Variants in TBC1D22A observed in about 807,000 individuals in gnomAD.
TBC1D22A encodes the protein TBC1 domain family member 22A, also known as putative GTPase activator.
In TBC1D22A, 38 loss-of-function variants were observed where a neutral mutation model predicts 60.2. That is an observed-to-expected ratio of 0.63 (90% CI 0.49 to 0.83). TBC1D22A has a LOEUF of 0.83. Among genes scored for constraint, TBC1D22A ranks in the 40% least tolerant of loss-of-function variants. TBC1D22A has a pLI of 0.00. For synonymous variants in TBC1D22A, 302 were observed against 281.7 expected, an observed-to-expected ratio of 1.07 and a Z score of -0.72; for missense variants, 628 against 701.0, an observed-to-expected ratio of 0.90 and a Z score of 1.18.
At chr22:46,794,400 G>A (rs533219518) in intron 3 of TBC1D22A, among the ~76,000 whole-genome samples, 87 of 152,362 alleles carry the variant, frequency 5.7e-4, no homozygotes, top group African/African-American at 1.9e-3. Flanking sequence ...GGGTGGGGTC[G>A]TGTCTGGTGC....
chr22:46,945,548 G>A (rs2072481612), intron 8 of TBC1D22A, among the ~76,000 whole-genome samples: 1 of 152,192 alleles, frequency 6.6e-6, no homozygotes. Flanking sequence ...GGCTGCAGCT[G>A]TGCTGACGGC....
At chr22:46,858,950 C>G (rs1426458621) in intron 4 of TBC1D22A, among the ~76,000 whole-genome samples, 4 of 152,008 alleles carry the variant, frequency 2.6e-5, no homozygotes, top group Non-Finnish European at 5.9e-5. Context: ...TGCCCACGCG[C>G]AGACCAGAAT....
intron 12 of TBC1D22A, among the ~76,000 whole-genome samples, chr22:47,166,323 C>G (rs1601742519): frequency 6.6e-6 from 1 of 152,106 alleles, no homozygotes; most frequent in African/African-American, 2.4e-5. Context: ...GAATGTGTCA[C>G]CAGCCACATA....
In TBC1D22A at chr22:46,937,679, C is replaced by T. The variant is rs139856486; in HGVS notation, c.1015+25491C>T. Among the ~76,000 whole-genome samples the T allele has an allele frequency of 2.6e-3, 391 of 152,260 alleles. 1 individual carries two copies. The highest frequency in any genetic ancestry group is 9.1e-3 in the African/African-American group (378 of 41,552). On this transcript the variant is annotated intron_variant, in intron 8 of 12. Transcript: ENST00000337137. Reference sequence around the variant, plus strand: ...AAGAAGGCATAGTTATCAGAGGAGACGATAGCTCCCTGTGTGCTGTTGTCC... The same window carrying T: ...AAGAAGGCATAGTTATCAGAGGAGATGATAGCTCCCTGTGTGCTGTTGTCC...
At chr22:46,890,381 G>C (rs2068334651) in intron 5 of TBC1D22A, among the ~76,000 whole-genome samples, 1 of 151,970 alleles carries the variant, frequency 6.6e-6, no homozygotes, top group African/African-American at 2.4e-5. Flanking sequence ...TGCAACAAAA[G>C]ATAACATAAA....
At chr22:46,919,262 G>A (rs757747187) in intron 8 of TBC1D22A, among the ~76,000 whole-genome samples, 6 of 152,082 alleles carry the variant, frequency 3.9e-5, no homozygotes, top group African/African-American at 7.2e-5. Context: ...TACATGGTGC[G>A]TGGCCCTTTG....
chr22:47,049,917 C>T (rs1416617775), intron 11 of TBC1D22A, among the ~76,000 whole-genome samples: 1 of 152,208 alleles, frequency 6.6e-6, no homozygotes, highest in African/African-American at 2.4e-5. Flanking sequence ...GAACGGGTCC[C>T]CCTGTGTTTG....
chr22:46,835,063 G>C (rs1331368431), intron 4 of TBC1D22A, among the ~76,000 whole-genome samples: 1 of 152,234 alleles, frequency 6.6e-6, no homozygotes, highest in Non-Finnish European at 1.5e-5. Context: ...AACAAGAGGA[G>C]TGGAGTGGGT....
At chr22:46,845,527 G>T (rs529608508) in intron 4 of TBC1D22A, among the ~76,000 whole-genome samples, 1 of 152,294 alleles carries the variant, frequency 6.6e-6, no homozygotes, top group African/African-American at 2.4e-5. Context: ...GGGAGCTGGA[G>T]ATCCACGAAC....
intron 11 of TBC1D22A, among the ~76,000 whole-genome samples, chr22:47,063,777 C>T (rs1349724392): frequency 1.3e-5 from 2 of 152,118 alleles, no homozygotes; most frequent in African/African-American, 2.4e-5. Flanking sequence ...CCATGCTTCC[C>T]CTTCCCGCCT....
intron 12 of TBC1D22A, among the ~76,000 whole-genome samples, chr22:47,140,553 CAAAAA>C (rs940877057): frequency 2.9e-5 from 2 of 69,860 alleles, no homozygotes; most frequent in South Asian, 4.6e-4. Context: ...GACTCTGTCT[CAAAAA>C]AAAAAAAAAA....
chr22:47,043,252 G>A (rs1393197802), intron 11 of TBC1D22A, among the ~76,000 whole-genome samples: 1 of 152,200 alleles, frequency 6.6e-6, no homozygotes, highest in Non-Finnish European at 1.5e-5. Context: ...GCTGCATGAT[G>A]GGGCCCCAGG....
rs187488131 is a variant in TBC1D22A, at chr22:46,830,924, G to A, written c.637+33304G>A. ...GATGCTGAAGAAAGAAAAGCTTTAA[G>A]AGGTATCTCCGAGGAAGATGGAGTC... On this transcript the variant is annotated intron_variant, in intron 4 of 12. Transcript: ENST00000337137. Among the ~76,000 whole-genome samples, 69 of 152,248 alleles carry A rather than the reference G, an allele frequency of 4.5e-4. 1 individual carries two copies. The East Asian group carries it at 8.5e-3, about 19-fold the overall frequency.
At chr22:47,026,545 G>T (rs567432835) in intron 10 of TBC1D22A, among the ~76,000 whole-genome samples, 1 of 152,224 alleles carries the variant, frequency 6.6e-6, no homozygotes, top group Admixed American at 6.5e-5. Context: ...GAAAGAACAA[G>T]AGTTTAGCAA....
chr22:46,957,634 A>G (rs2073274149), intron 8 of TBC1D22A, among the ~76,000 whole-genome samples: 3 of 152,230 alleles, frequency 2.0e-5, no homozygotes, highest in Admixed American at 6.5e-5. Context: ...AAGTGCCTTG[A>G]CTACCAGTCA....
chr22:46,961,019 GAAA>G (rs34680583), intron 8 of TBC1D22A, among the ~76,000 whole-genome samples: 4,374 of 127,592 alleles, frequency 0.034, 224 homozygotes, highest in African/African-American at 0.12. Context: ...TCAGAGACAA[GAAA>G]AAAAAAAAAC....
chr22:47,041,249 C>T (rs752684527), intron 11 of TBC1D22A, among the ~76,000 whole-genome samples: 1 of 152,244 alleles, frequency 6.6e-6, no homozygotes, highest in African/African-American at 2.4e-5. Context: ...CAAAGTGTAT[C>T]TTTAATCATC....
At chr22:46,992,296 G>A (rs2074973416) in intron 9 of TBC1D22A, among the ~76,000 whole-genome samples, 1 of 152,254 alleles carries the variant, frequency 6.6e-6, no homozygotes, top group Admixed American at 6.5e-5. Context: ...GTGCGGGGCT[G>A]GGACGACCCG....
At chr22:46,830,352 C>T (rs576477080) in intron 4 of TBC1D22A, among the ~76,000 whole-genome samples, 6 of 152,224 alleles carry the variant, frequency 3.9e-5, no homozygotes, top group Non-Finnish European at 8.8e-5. Flanking sequence ...GCCCTATTCT[C>T]AATAAATGAC....
Sources: allele counts gnomAD v4.1 joint callset (sites outside exome capture counted in the v4.1 genomes callset), GRCh38; gene constraint gnomAD v4.1.1; transcripts MANE v1.5; gene names NCBI Gene and HGNC (gene_info 2026-07-23, HGNC 2026-07-21).